Variants in TMEM132B observed in about 807,000 individuals in gnomAD.
TMEM132B encodes transmembrane protein 132B.
In TMEM132B, 18 loss-of-function variants were observed where a neutral mutation model predicts 90.8. The observed-to-expected ratio is 0.20, with a 90% confidence interval of 0.14 to 0.29. The LOEUF (loss-of-function observed/expected upper bound fraction) is 0.29, where lower values mean the gene tolerates loss of function less well. Ranked by LOEUF, TMEM132B falls within the 10% of genes least tolerant of loss-of-function variation. TMEM132B has a pLI of 1.00. For missense variants in TMEM132B, 1,096 were observed against 1,326.8 expected (o/e 0.83, Z 2.70); for synonymous variants, 504 against 523.3 (o/e 0.96, Z 0.50).
intron 3 of TMEM132B, among the ~76,000 whole-genome samples, chr12:125,497,506 T>A (rs1882592102): frequency 6.6e-6 from 1 of 152,198 alleles, no homozygotes; most frequent in South Asian, 2.1e-4. Context: ...AGTTGTGGAC[T>A]GTTGAAAAGT....
chr12:125,385,262 A>G (rs1253744929), intron 2 of TMEM132B, among the ~76,000 whole-genome samples: 2 of 152,184 alleles, frequency 1.3e-5, no homozygotes, highest in South Asian at 2.1e-4. Flanking sequence ...TTGTTTTTTT[A>G]ATTTATTCCT....
chr12:125,334,152 G>T (rs767826604), intron 1 of TMEM132B, among the ~76,000 whole-genome samples: 17 of 152,108 alleles, frequency 1.1e-4, no homozygotes, highest in Non-Finnish European at 2.1e-4. Flanking sequence ...TCATTAGTAT[G>T]AATTTTACCA....
chr12:125,558,019 G>A lies in TMEM132B; in HGVS notation c.1294-25832G>A, dbSNP rs183771601. Among the ~76,000 whole-genome samples the A allele has an allele frequency of 1.3e-3, 201 of 152,350 alleles. 2 individuals are homozygous for A. Among genetic ancestry groups the A allele is most frequent in the South Asian group, 4.2e-4 (2 of 4,816 alleles). On this transcript the variant is annotated intron_variant, in intron 4 of 8. Transcript: ENST00000682704. Reference sequence around the variant, plus strand: ...GGATTCTGGTTTGTGAGATAACCAGGACTGTTCATGAGCAGGCTGGCTTTC... The same window carrying A: ...GGATTCTGGTTTGTGAGATAACCAGAACTGTTCATGAGCAGGCTGGCTTTC...
At chr12:125,494,735 A>G (rs1187558591) in intron 3 of TMEM132B, among the ~76,000 whole-genome samples, 16 of 48,876 alleles carry the variant, frequency 3.3e-4, no homozygotes, top group East Asian at 7.8e-4. Flanking sequence ...CTGGAAATGG[A>G]TGCGTCCCCT....
chr12:125,351,229 A>C (rs1027629427), intron 2 of TMEM132B, among the ~76,000 whole-genome samples: 3 of 152,228 alleles, frequency 2.0e-5, no homozygotes, highest in Non-Finnish European at 4.4e-5. Context: ...AAGCAGCCAT[A>C]AGTGAATGGG....
intron 1 of TMEM132B, among the ~76,000 whole-genome samples, chr12:125,288,849 G>A (rs1416761732): frequency 6.6e-6 from 1 of 152,056 alleles, no homozygotes; most frequent in African/African-American, 2.4e-5. Flanking sequence ...TTGTTTTAGG[G>A]GTATTCCTCA....
intron 3 of TMEM132B, among the ~76,000 whole-genome samples, chr12:125,473,676 A>G (rs1187308519): frequency 6.6e-6 from 1 of 152,186 alleles, no homozygotes; most frequent in African/African-American, 2.4e-5. Context: ...CACACATTCC[A>G]CAAGTAATCT....
chr12:125,601,959 A>G (rs1305187892), intron 5 of TMEM132B, among the ~76,000 whole-genome samples: 3 of 152,238 alleles, frequency 2.0e-5, no homozygotes, highest in African/African-American at 7.2e-5. Flanking sequence ...TCTGAAATTG[A>G]GGCAGTAATT....
At chr12:125,417,820 T>C (rs1334124573) in intron 3 of TMEM132B, among the ~76,000 whole-genome samples, 1 of 152,196 alleles carries the variant, frequency 6.6e-6, no homozygotes, top group African/African-American at 2.4e-5. Context: ...CAGGCACACG[T>C]CCCAGTGCTG....
intron 3 of TMEM132B, among the ~76,000 whole-genome samples, chr12:125,502,517 C>A (rs1398025013): frequency 6.6e-6 from 1 of 152,160 alleles, no homozygotes; most frequent in East Asian, 1.9e-4. Flanking sequence ...AAGGGAGATA[C>A]AAAATGGGTT....
chr12:125,454,181 T>G (rs183375603), intron 3 of TMEM132B, among the ~76,000 whole-genome samples: 12 of 152,286 alleles, frequency 7.9e-5, no homozygotes, highest in Non-Finnish European at 1.3e-4. Context: ...GTTATCATTA[T>G]GACAACTTTA....
chr12:125,195,713 A>G (rs914636968), intron 1 of TMEM132B, among the ~76,000 whole-genome samples: 1 of 152,084 alleles, frequency 6.6e-6, no homozygotes, highest in Non-Finnish European at 1.5e-5. Flanking sequence ...TTGCAGTTTT[A>G]TACAGCAGAG....
chr12:125,278,327 AC>A (rs1875062317), intron 1 of TMEM132B, among the ~76,000 whole-genome samples: 1 of 152,108 alleles, frequency 6.6e-6, no homozygotes, highest in East Asian at 1.9e-4. Flanking sequence ...GACTGTGCTG[AC>A]CCTTATTCTG....
chr12:125,492,002 C>T lies in TMEM132B; in HGVS notation c.1107-27437C>T, dbSNP rs1040441397. ...TTTGCAAAGCCAGCTACTGAGATGG[C>T]AATTAAGCCAAGTTCATAAATTGGA... On this transcript the variant is annotated intron_variant, in intron 3 of 8. Coordinates refer to ENST00000682704, the MANE Select transcript of TMEM132B (RefSeq NM_001366854.1). The surrounding 1 kb of genome is among the most constrained non-coding windows in gnomAD (Gnocchi z 5.8). 6.6e-5 allele frequency among the ~76,000 whole-genome samples: 10 copies of T among 152,154 alleles called. No individual in the cohort carries two copies. Among genetic ancestry groups the T allele is most frequent in the African/African-American group, 2.4e-4 (10 of 41,422 alleles).
intron 3 of TMEM132B, among the ~76,000 whole-genome samples, chr12:125,517,865 G>A (rs1010285465): frequency 2.0e-5 from 3 of 152,220 alleles, no homozygotes; most frequent in Non-Finnish European, 4.4e-5. Context: ...CCTGCCCTGT[G>A]CAACATGTCA....
chr12:125,232,555 A>G (rs147503210), intron 1 of TMEM132B, among the ~76,000 whole-genome samples: 1 of 152,272 alleles, frequency 6.6e-6, no homozygotes, highest in East Asian at 1.9e-4. Context: ...TAGTTGAATT[A>G]TAAATTGGCA....
chr12:125,556,081 G>A (rs1884378385), intron 4 of TMEM132B, among the ~76,000 whole-genome samples: 1 of 152,212 alleles, frequency 6.6e-6, no homozygotes, highest in South Asian at 2.1e-4. Flanking sequence ...ATAAAAGGCT[G>A]CCAATTCAGA....
chr12:125,642,045 T>C (rs1345482111), intron 5 of TMEM132B, among the ~76,000 whole-genome samples: 1 of 152,186 alleles, frequency 6.6e-6, no homozygotes, highest in African/African-American at 2.4e-5. Flanking sequence ...CTCGAGGTAG[T>C]CTGCATGCCA....
intron 2 of TMEM132B, among the ~76,000 whole-genome samples, chr12:125,401,919 G>C (rs566517764): frequency 6.6e-6 from 1 of 152,210 alleles, no homozygotes; most frequent in South Asian, 2.1e-4. Flanking sequence ...GGCAATTCCC[G>C]ATCTGTGCAC....
Sources: allele counts gnomAD v4.1 joint callset (sites outside exome capture counted in the v4.1 genomes callset), GRCh38; gene constraint gnomAD v4.1.1; non-coding constraint Gnocchi (gnomAD v3.1); transcripts MANE v1.5; gene names NCBI Gene and HGNC (gene_info 2026-07-23, HGNC 2026-07-21).